GRIK2: variants seen among roughly 807,000 people sequenced by gnomAD.
GRIK2 encodes glutamate ionotropic receptor kainate type subunit 2.
GRIK2 carries 32 observed loss-of-function variants against 100.3 expected under a neutral mutation model. The ratio of observed to expected loss-of-function variants is 0.32; its 90% CI spans 0.24 to 0.43. The LOEUF (loss-of-function observed/expected upper bound fraction) is 0.43, where lower values mean the gene tolerates loss of function less well. GRIK2 is among the 20% of genes least tolerant of loss of function. The probability of loss-of-function intolerance (pLI) is 1.00; values close to 1 mark genes in which losing one functional copy is unlikely to be tolerated. For synonymous variants in GRIK2, 417 were observed against 389.4 expected (o/e 1.07, Z -0.83); for missense variants, 843 against 1,114.9 (o/e 0.76, Z 3.47).
At chr6:101,902,996 A>T (rs1275237490) in intron 12 of GRIK2, among the ~76,000 whole-genome samples, 1 of 151,804 alleles carries the variant, frequency 6.6e-6, no homozygotes, top group African/African-American at 2.4e-5. Flanking sequence ...ACCTCTATCT[A>T]CCTGCTACAT....
At chr6:101,604,787 T>A (rs1023667794) in intron 2 of GRIK2, among the ~76,000 whole-genome samples, 1 of 152,076 alleles carries the variant, frequency 6.6e-6, no homozygotes, top group South Asian at 2.1e-4. Flanking sequence ...AGATATGATA[T>A]CTTATTTTCT....
At chr6:101,457,654 T>C (rs754638137) in intron 2 of GRIK2, among the ~76,000 whole-genome samples, 5 of 152,202 alleles carry the variant, frequency 3.3e-5, no homozygotes, top group Non-Finnish European at 7.4e-5. Flanking sequence ...TGCTAAAAGC[T>C]GTAGTGGGTC....
chr6:101,564,344 TC>T (rs1156308588), intron 2 of GRIK2, among the ~76,000 whole-genome samples: 2 of 152,178 alleles, frequency 1.3e-5, no homozygotes, highest in Non-Finnish European at 2.9e-5. Context: ...TGGGACACTT[TC>T]CTACTTCTTC....
intron 7 of GRIK2, among the ~76,000 whole-genome samples, chr6:101,748,255 T>C (rs1438411979): frequency 6.6e-6 from 1 of 152,144 alleles, no homozygotes; most frequent in African/African-American, 2.4e-5. Flanking sequence ...GCATTCTCTG[T>C]TAGGGAAAGT....
chr6:102,063,188 T>C (rs536123289), intron 16 of GRIK2, among the ~76,000 whole-genome samples: 1 of 150,806 alleles, frequency 6.6e-6, no homozygotes, highest in South Asian at 2.1e-4. Flanking sequence ...TAGCTCAAAT[T>C]TTGGTAGGCT....
intron 2 of GRIK2, among the ~76,000 whole-genome samples, chr6:101,575,111 A>G (rs1777734546): frequency 6.6e-6 from 1 of 151,786 alleles, no homozygotes; most frequent in Non-Finnish European, 1.5e-5. Flanking sequence ...TCTTACCTGT[A>G]ATATATGCCA....
chr6:101,513,942 G>A (rs1238317197), intron 2 of GRIK2, among the ~76,000 whole-genome samples: 1 of 151,930 alleles, frequency 6.6e-6, no homozygotes, highest in African/African-American at 2.4e-5. Flanking sequence ...AAATGATAAG[G>A]TAGAGATCAA....
intron 10 of GRIK2, among the ~76,000 whole-genome samples, chr6:101,844,098 GA>G (rs1001336387): frequency 2.6e-5 from 4 of 151,280 alleles, no homozygotes; most frequent in African/African-American, 7.3e-5. Context: ...GTGTAATCAA[GA>G]AAAAAAGAAA....
rs1397451217 is a variant in GRIK2 at position 101,547,356 on chromosome 6, A to G, written c.116-74593A>G. 2.6e-5 allele frequency among the ~76,000 whole-genome samples: 4 copies of G among 152,104 alleles called. No individual in the cohort carries two copies. In the East Asian group the frequency reaches 7.7e-4, roughly 29 times the overall value. On this transcript the variant is annotated intron_variant, in intron 2 of 16. Coordinates refer to ENST00000369134, the MANE Select transcript of GRIK2 (RefSeq NM_021956.5). Reference sequence around the variant, plus strand: ...TATTATACTTTAAGTTTTAGGGTACATATGCACAACGTGCAGGTTTGTTAC... The same window carrying G: ...TATTATACTTTAAGTTTTAGGGTACGTATGCACAACGTGCAGGTTTGTTAC...
At chr6:101,795,394 A>C (rs1780226450) in intron 7 of GRIK2, among the ~76,000 whole-genome samples, 1 of 152,106 alleles carries the variant, frequency 6.6e-6, no homozygotes, top group Non-Finnish European at 1.5e-5. Context: ...AGTGCCAGGT[A>C]GTTCAGTCCT....
chr6:101,597,495 G>A (rs1778978219), intron 2 of GRIK2, among the ~76,000 whole-genome samples: 1 of 151,740 alleles, frequency 6.6e-6, no homozygotes, highest in African/African-American at 2.4e-5. Flanking sequence ...CATTATTTAA[G>A]GTCTTTAGTA....
intron 2 of GRIK2, among the ~76,000 whole-genome samples, chr6:101,521,301 G>A (rs1334926016): frequency 2.0e-5 from 3 of 151,628 alleles, no homozygotes; most frequent in Admixed American, 6.6e-5. Flanking sequence ...TTTAATAGCA[G>A]GTCTATTTAT....
intron 10 of GRIK2, among the ~76,000 whole-genome samples, chr6:101,840,976 T>C (rs1783459517): frequency 6.6e-6 from 1 of 151,550 alleles, no homozygotes; most frequent in East Asian, 1.9e-4. Flanking sequence ...AATATAATTA[T>C]AGCCAAAGGC....
rs1180430667 is a variant in GRIK2 at position 101,518,933 on chromosome 6, A to G, written c.116-103016A>G. Among the ~76,000 whole-genome samples the G allele has an allele frequency of 5.9e-5, 9 of 152,314 alleles. No homozygotes were observed. The East Asian group carries it at 1.7e-3, about 29-fold the overall frequency. On this transcript the variant is annotated intron_variant, in intron 2 of 16. Transcript: ENST00000369134. ...ATGCTGATTTTTAAACAAGTGTTAC[A>G]TTTATAGATGCATTATTGATTCCAG...
At chr6:101,660,759 T>C (rs901618225) in intron 4 of GRIK2, among the ~76,000 whole-genome samples, 3 of 152,170 alleles carry the variant, frequency 2.0e-5, no homozygotes, top group Non-Finnish European at 4.4e-5. Flanking sequence ...TGGAGTTTGC[T>C]GGAGGTCCAC....
chr6:101,693,418 A>G (rs1772248696), intron 7 of GRIK2, among the ~76,000 whole-genome samples: 1 of 151,456 alleles, frequency 6.6e-6, no homozygotes, highest in African/African-American at 2.4e-5. Flanking sequence ...CTTATTTTAT[A>G]TTTAAAAATG....
rs950320829 is a variant in GRIK2 at position 101,773,372 on chromosome 6, C to G, written c.952-26276C>G. On this transcript the variant is annotated intron_variant, in intron 7 of 16. Coordinates refer to ENST00000369134, the MANE Select transcript of GRIK2 (RefSeq NM_021956.5). ...GCACGCGCCTATAGTCTCAGCTACT[C>G]GGGAGGCTCAGGCAGGAGAATCGCT... 2.0e-5 allele frequency among the ~76,000 whole-genome samples: 3 copies of G among 150,636 alleles called. No individual in the cohort carries two copies. In the East Asian group the frequency reaches 6.0e-4, roughly 30 times the overall value.
In GRIK2 at chr6:101,788,599, C is replaced by T. The variant is rs545854197; in HGVS notation, c.952-11049C>T. ...TGTATATGTGCCACATTTTCTTAAT[C>T]GGGTCTATCATTGTTGGACATTTGG... On this transcript the variant is annotated intron_variant, in intron 7 of 16. Coordinates refer to ENST00000369134, the MANE Select transcript of GRIK2 (RefSeq NM_021956.5). Among the ~76,000 whole-genome samples the T allele has an allele frequency of 5.3e-5, 8 of 152,214 alleles. No homozygotes were observed. In the South Asian group the frequency reaches 1.5e-3, roughly 28 times the overall value.
At chr6:101,844,954 A>G (rs564617119) in intron 10 of GRIK2, among the ~76,000 whole-genome samples, 1 of 152,218 alleles carries the variant, frequency 6.6e-6, no homozygotes, top group South Asian at 2.1e-4. Context: ...CATAACCCCT[A>G]AAGAAAACTC....
Sources: allele counts gnomAD v4.1 joint callset (sites outside exome capture counted in the v4.1 genomes callset), GRCh38; gene constraint gnomAD v4.1.1; transcripts MANE v1.5; gene names NCBI Gene and HGNC (gene_info 2026-07-23, HGNC 2026-07-21).